GPATCH8: variants seen among roughly 807,000 people sequenced by gnomAD.
GPATCH8 encodes G-patch domain containing 8, also known as G patch domain-containing protein 8.
Under a neutral mutation model 118.3 loss-of-function variants are expected in GPATCH8, and 18 were observed. The observed-to-expected ratio is 0.15, with a 90% CI of 0.11 to 0.23. The LOEUF (loss-of-function observed/expected upper bound fraction) is 0.23. GPATCH8 is among the 10% of genes least tolerant of loss of function. GPATCH8 has a pLI of 1.00. For missense variants in GPATCH8, 1,631 were observed against 1,873.8 expected (o/e 0.87, Z 2.39); for synonymous variants, 659 against 684.7 (o/e 0.96, Z 0.59).
intron 3 of GPATCH8, among the ~76,000 whole-genome samples, chr17:44,453,373 A>G (rs2051188663): frequency 6.6e-6 from 1 of 152,148 alleles, no homozygotes; most frequent in Admixed American, 6.6e-5. Context: ...GACAACAGTA[A>G]TTCTCTCAGG....
At chr17:44,467,091 A>G in intron 2 of GPATCH8, 1 of 1,254,246 alleles carries the variant, frequency 8.0e-7, no homozygotes, top group Non-Finnish European at 1.0e-6. Flanking sequence ...GCATTTCCAT[A>G]CGAACCTGGC....
intron 1 of GPATCH8, among the ~76,000 whole-genome samples, chr17:44,484,275 T>C (rs1968599952): frequency 6.6e-6 from 1 of 152,186 alleles, no homozygotes; most frequent in Admixed American, 6.6e-5. Context: ...TGAGCCACCA[T>C]GCGCAGCCCA....
At chr17:44,469,225 T>C (rs1312626807) in intron 2 of GPATCH8, among the ~76,000 whole-genome samples, 2 of 152,218 alleles carry the variant, frequency 1.3e-5, no homozygotes, top group African/African-American at 2.4e-5. Context: ...TATTATAAAC[T>C]ACCAATATGC....
Position 44,398,020 on chromosome 17 carries a change from TGGCTGGGGCCAGGGCAGCTGA to T in GPATCH8, c.4036_4056del (p.Ser1346_Ala1352del), listed in dbSNP as rs2048843766. 6.2e-7 allele frequency: 1 copy of T among 1,613,900 alleles called. No homozygotes were observed. Among genetic ancestry groups the T allele is most frequent in the Non-Finnish European group, 8.5e-7 (1 of 1,179,944 alleles). The stretch of plus-strand genomic sequence containing the variant: ...ATGTGGATGGGTTGCAGGGCTGGTG[TGGCTGGGGCCAGGGCAGCTGA>T]GGCTGGAAAGGCCTTTACTTGCTTG... On this transcript the variant is annotated inframe_deletion, in exon 8 of 8. Coordinates refer to ENST00000591680, the MANE Select transcript of GPATCH8 (RefSeq NM_001002909.4).
At chr17:44,479,765 G>A (rs1018090915) in intron 1 of GPATCH8, among the ~76,000 whole-genome samples, 4 of 151,732 alleles carry the variant, frequency 2.6e-5, no homozygotes, top group Non-Finnish European at 4.4e-5. Context: ...TCAGGAGTTC[G>A]AGACCAGCCT....
chr17:44,467,603 C>G (rs1966903178), intron 2 of GPATCH8, among the ~76,000 whole-genome samples: 1 of 152,142 alleles, frequency 6.6e-6, no homozygotes. Flanking sequence ...AATCTCTCCT[C>G]CCCTCACCAA....
At chr17:44,423,271 T>A (rs920160081) in intron 6 of GPATCH8, among the ~76,000 whole-genome samples, 2 of 152,148 alleles carry the variant, frequency 1.3e-5, no homozygotes, top group Non-Finnish European at 2.9e-5. Flanking sequence ...CAAAGGTATG[T>A]AGTAAGTTGA....
intron 1 of GPATCH8, among the ~76,000 whole-genome samples, chr17:44,498,113 G>C (rs1378395663): frequency 6.6e-6 from 1 of 151,970 alleles, no homozygotes; most frequent in African/African-American, 2.4e-5. Flanking sequence ...TTTTAGCTTT[G>C]GTTATACAAT....
Position 44,395,381 on chromosome 17 carries a change from TGTAA to T in GPATCH8, c.*2183_*2186del, listed in dbSNP as rs773861720. The T allele has an allele frequency of 1.5e-5, 7 of 452,372 alleles. No homozygotes were observed. The highest frequency in any genetic ancestry group is 2.4e-5 in the Admixed American group (1 of 42,114). The allele number at this position is 452,372 out of a possible 1,614,324, so 28.0% of individuals were successfully genotyped here. On this transcript the variant is annotated 3_prime_UTR_variant, in exon 8 of 8. Coordinates refer to ENST00000591680, the MANE Select transcript of GPATCH8 (RefSeq NM_001002909.4). ...AAAGTTAAATACAATCTGTTATGCT[TGTAA>T]GTAAGGTTTATTTTTATTTTTACTT...
intron 3 of GPATCH8, among the ~76,000 whole-genome samples, chr17:44,443,696 G>A (rs1182127171): frequency 1.3e-5 from 2 of 151,698 alleles, no homozygotes; most frequent in African/African-American, 4.8e-5. Flanking sequence ...TTTAAAACAG[G>A]GTCTCACCAT....
chr17:44,456,927 A>T (rs1207354716), intron 3 of GPATCH8, among the ~76,000 whole-genome samples: 4 of 151,958 alleles, frequency 2.6e-5, no homozygotes, highest in Non-Finnish European at 4.4e-5. Flanking sequence ...GCAGTGGCGC[A>T]ATCTCGGCTC....
At chr17:44,452,340 T>C (rs1292424652) in intron 3 of GPATCH8, among the ~76,000 whole-genome samples, 1 of 138,954 alleles carries the variant, frequency 7.2e-6, no homozygotes, top group Non-Finnish European at 1.6e-5. Flanking sequence ...TTTGGTAAAA[T>C]GCTCTTTGGG....
chr17:44,501,854 C>T (rs1045717757), intron 1 of GPATCH8, among the ~76,000 whole-genome samples: 2 of 152,010 alleles, frequency 1.3e-5, no homozygotes. Context: ...ATGTCTCTAC[C>T]GGTAATTTAA....
chr17:44,407,061 C>T (rs1467686044), intron 6 of GPATCH8, among the ~76,000 whole-genome samples: 1 of 151,966 alleles, frequency 6.6e-6, no homozygotes, highest in Non-Finnish European at 1.5e-5. Context: ...GTGGACATTG[C>T]TTTGTAGAAA....
Position 44,395,401 on chromosome 17 carries a change from ATT to A in GPATCH8, c.*2165_*2166del. ...ATGCTTGTAAGTAAGGTTTATTTTT[ATT>A]TTTACTTTTAAAATCACTATTCTGG... On this transcript the variant is annotated 3_prime_UTR_variant, in exon 8 of 8. Coordinates refer to ENST00000591680, the MANE Select transcript of GPATCH8 (RefSeq NM_001002909.4). 2.2e-6 allele frequency: 1 copy of A among 453,108 alleles called. No individual in the cohort carries two copies. The highest frequency in any genetic ancestry group is 7.0e-4 in the Middle Eastern group (1 of 1,438). The allele number at this position is 453,108 out of a possible 1,614,324, so 28.1% of individuals were successfully genotyped here. A position where few individuals can be genotyped will look rare whatever the true frequency, so the allele number is the denominator to read the frequency against.
chr17:44,456,906 C>T (rs2051355335), intron 3 of GPATCH8, among the ~76,000 whole-genome samples: 3 of 152,006 alleles, frequency 2.0e-5, no homozygotes, highest in Admixed American at 2.0e-4. Flanking sequence ...CTCTGTTGCC[C>T]AGGATGGAGT....
chr17:44,412,497 G>C (rs982922303), intron 6 of GPATCH8, among the ~76,000 whole-genome samples: 1 of 151,218 alleles, frequency 6.6e-6, no homozygotes, highest in Non-Finnish European at 1.5e-5. Flanking sequence ...AGTGATTCTC[G>C]GGCCTCAACC....
chr17:44,432,018 G>A (rs2050333328), intron 5 of GPATCH8, among the ~76,000 whole-genome samples: 1 of 151,164 alleles, frequency 6.6e-6, no homozygotes, highest in South Asian at 2.1e-4. Context: ...AGAGAAGGTG[G>A]TAGCTATATG....
chr17:44,425,659 TCTTGGA>T (rs1285217431), intron 5 of GPATCH8, among the ~76,000 whole-genome samples: 1 of 151,992 alleles, frequency 6.6e-6, no homozygotes, highest in African/African-American at 2.4e-5. Flanking sequence ...CTCCCAAGTA[TCTTGGA>T]CTATAGGCGT....
Sources: allele counts gnomAD v4.1 joint callset (sites outside exome capture counted in the v4.1 genomes callset), GRCh38; gene constraint gnomAD v4.1.1; transcripts MANE v1.5; gene names NCBI Gene and HGNC (gene_info 2026-07-23, HGNC 2026-07-21).